YLPM1: variants seen among roughly 807,000 people sequenced by gnomAD.
YLPM1 encodes the protein YLP motif-containing protein 1.
YLPM1 carries 99 observed loss-of-function variants against 230.0 expected under a neutral mutation model. The observed-to-expected ratio is 0.43, with a 90% confidence interval of 0.37 to 0.51. The LOEUF (loss-of-function observed/expected upper bound fraction) is 0.51, where lower values mean the gene tolerates loss of function less well. YLPM1 is among the 20% of genes least tolerant of loss of function. The pLI is 0.00. For synonymous variants in YLPM1, 984 were observed against 942.5 expected (o/e 1.04, Z -0.81); for missense variants, 2,592 against 2,707.7 (o/e 0.96, Z 0.95).
intron 4 of YLPM1, among the ~76,000 whole-genome samples, chr14:74,782,798 A>G (rs2091109055): frequency 6.6e-6 from 1 of 152,106 alleles, no homozygotes; most frequent in Admixed American, 6.5e-5. Context: ...CATTCAGCAA[A>G]TATTTAAGTT....
intron 1 of YLPM1, among the ~76,000 whole-genome samples, chr14:74,769,746 T>C (rs1001661981): frequency 1.3e-5 from 2 of 150,806 alleles, no homozygotes; most frequent in Non-Finnish European, 2.9e-5. Context: ...TTAAATGAAC[T>C]CTAAAGAATA....
chr14:74,776,259 A>C (rs1033573306), intron 1 of YLPM1, among the ~76,000 whole-genome samples: 4 of 152,252 alleles, frequency 2.6e-5, no homozygotes, highest in African/African-American at 9.6e-5. Context: ...ATACTGAACC[A>C]GTGCTCCTCG....
chr14:74,790,395 T>C (rs1262675489), intron 4 of YLPM1, among the ~76,000 whole-genome samples: 5 of 152,218 alleles, frequency 3.3e-5, no homozygotes, highest in African/African-American at 1.2e-4. Context: ...AGGAATTTAA[T>C]TCCAAAATTT....
intron 11 of YLPM1, 105 bp from the exon 12 acceptor site, chr14:74,816,098 T>C: frequency 1.0e-6 from 1 of 1,002,934 alleles, no homozygotes; most frequent in Non-Finnish European, 1.5e-6. Context: ...CATGGCCTGT[T>C]GTATAGTCTA....
chr14:74,802,707 A>G lies in YLPM1; in HGVS notation c.4521+31A>G, dbSNP rs768900969. 4 of 1,572,538 alleles carry G rather than the reference A, an allele frequency of 2.5e-6. No homozygotes were observed. In the South Asian group the frequency reaches 3.6e-5, roughly 14 times the overall value. Reference sequence around the variant, plus strand: ...GGAGAATGTGTGCTCAGAAAATGAAATGGTTTCTACTTTGTATGTTTCTAT... The same window carrying G: ...GGAGAATGTGTGCTCAGAAAATGAAGTGGTTTCTACTTTGTATGTTTCTAT... On this transcript the variant is annotated intron_variant, in intron 6 of 20. Transcript: ENST00000325680.
At chr14:74,783,393 ATACTT>A (rs906375458) in intron 4 of YLPM1, among the ~76,000 whole-genome samples, 7 of 152,210 alleles carry the variant, frequency 4.6e-5, no homozygotes, top group Admixed American at 2.0e-4. Context: ...AGCCAGAAAA[ATACTT>A]TAATCAGTTT....
At chr14:74,788,909 C>G (rs1314073065) in intron 4 of YLPM1, among the ~76,000 whole-genome samples, 8 of 152,026 alleles carry the variant, frequency 5.3e-5, no homozygotes, top group Non-Finnish European at 1.2e-4. Flanking sequence ...ATTTCTTTAA[C>G]CTTTTATTTT....
intron 1 of YLPM1, among the ~76,000 whole-genome samples, 173 bp downstream of exon 1, chr14:74,764,535 G>A (rs1194594772): frequency 1.3e-5 from 2 of 152,192 alleles, no homozygotes; most frequent in African/African-American, 2.4e-5. Context: ...TTAGCTAGAT[G>A]TGAATTACCA....
intron 1 of YLPM1, among the ~76,000 whole-genome samples, chr14:74,768,661 TACTTACGG>T (rs1482284595): frequency 6.6e-6 from 1 of 152,250 alleles, no homozygotes; most frequent in African/African-American, 2.4e-5. Flanking sequence ...AATGTTTAAA[TACTTACGG>T]ACTAGCAACT....
intron 5 of YLPM1, 76 bp from the exon 6 acceptor site, chr14:74,802,480 A>G (rs1485544911): frequency 1.3e-6 from 2 of 1,483,798 alleles, no homozygotes; most frequent in Admixed American, 4.8e-5. Flanking sequence ...CCTTTTTTTA[A>G]TTAAATATTA....
In YLPM1 at chr14:74,778,464, G is replaced by A. The variant is rs1434551633; in HGVS notation, c.891G>A (p.Trp297Ter). 6.2e-7 allele frequency: 1 copy of A among 1,603,852 alleles called. No individual in the cohort carries two copies. The highest frequency in any genetic ancestry group is 1.7e-5 in the Admixed American group (1 of 58,308). ...TGTTGTAGGAACAGCAGCAGTATTG[G>A]TATCGACAGCACTTGCTTAGTTTGC... ...TMTPQEQQQY[W>*]YRQHLLSLQQ... The change falls in exon 2 of 21, where the codon TGG (tryptophan) becomes TGA (stop). Residue 297 changes from tryptophan (W) to a stop codon, truncating the protein, a stop_gained. Transcript: ENST00000325680. LOFTEE classifies it high-confidence loss of function.
At chr14:74,814,377 G>A (rs907351522) in intron 11 of YLPM1, among the ~76,000 whole-genome samples, 4 of 152,142 alleles carry the variant, frequency 2.6e-5, no homozygotes, top group Admixed American at 6.5e-5. Flanking sequence ...AAAGAAGAAT[G>A]ATATTAGCTG....
Position 74,811,621 on chromosome 14 carries a change from G to C in YLPM1, c.5230G>C (p.Ala1744Pro). Residue 1744 changes from alanine to proline, a missense_variant and splice_region_variant, in exon 10 of 21, where the codon GCT becomes CCT. Ala to Pro is a conservative substitution (Grantham distance 27). This residue lies in a region of YLPM1 where 403 missense variants were observed against 426.7 expected (regional missense o/e 0.94). Coordinates refer to ENST00000325680, the MANE Select transcript of YLPM1 (RefSeq NM_019589.3). Reference protein sequence around the residue: ...DRERRPRDDRAQSYRDKKDHS... With the variant: ...DRERRPRDDRPQSYRDKKDHS... ...AGCGCTTCCTATTACACCTTCTAGA[G>C]CTCAGTCATATCGAGACAAAAAAGA... 1.9e-6 allele frequency: 3 copies of C among 1,607,186 alleles called. No homozygotes were observed. Among genetic ancestry groups the C allele is most frequent in the South Asian group, 2.2e-5 (2 of 89,844 alleles).
chr14:74,806,405 G>A (rs527519183), intron 6 of YLPM1, among the ~76,000 whole-genome samples: 10 of 151,884 alleles, frequency 6.6e-5, no homozygotes, highest in Non-Finnish European at 1.3e-4. Flanking sequence ...GGCCAACATG[G>A]TGAACCCTCG....
At chr14:74,817,657 G>A (rs1244282009) in intron 15 of YLPM1, among the ~76,000 whole-genome samples, 1 of 152,070 alleles carries the variant, frequency 6.6e-6, no homozygotes, top group Non-Finnish European at 1.5e-5. Context: ...CAGCACTCTT[G>A]TCTGGAAGCT....
intron 4 of YLPM1, among the ~76,000 whole-genome samples, chr14:74,789,146 T>C (rs1412496724): frequency 6.6e-6 from 1 of 152,224 alleles, no homozygotes; most frequent in Admixed American, 6.5e-5. Context: ...CATATTTTAA[T>C]TACTGTAGCT....
rs1387675414 is a variant in YLPM1 at position 74,809,692 on chromosome 14, C to T, written c.4834C>T (p.Pro1612Ser). ...IPSAPVLPPP[P>S]VHSSIPPPGP... Reference sequence around the variant, plus strand: ...ATCTGCTCCAGTATTACCACCCCCACCTGTTCACTCTTCCATTCCCCCTCC... The same window carrying T: ...ATCTGCTCCAGTATTACCACCCCCATCTGTTCACTCTTCCATTCCCCCTCC... Residue 1612 changes from proline (P) to serine (S), a missense_variant, in exon 7 of 21, where the codon CCT (proline) becomes TCT (serine). Pro to Ser is a moderately conservative substitution (Grantham distance 74, BLOSUM62 -1). Transcript: ENST00000325680. 6.2e-7 allele frequency: 1 copy of T among 1,614,044 alleles called. No individual in the cohort carries two copies. The highest frequency in any genetic ancestry group is 8.5e-7 in the Non-Finnish European group (1 of 1,179,900).
rs755502810 is a variant in YLPM1, at chr14:74,798,679, G to T, written c.3382G>T (p.Ala1128Ser). 35 of 1,611,980 alleles carry T rather than the reference G, an allele frequency of 2.2e-5. No homozygotes were observed. Among genetic ancestry groups the T allele is most frequent in the Non-Finnish European group, 2.8e-5 (33 of 1,178,784 alleles). ...GSQERGPLRR[A>S]GSRERIPPRR... ...TCAGGAGAGGGGACCTCTTCGAAGG[G>T]CTGGGAGTAGAGAGAGAATACCACC... The change falls in exon 5 of 21, where the codon GCT (alanine) becomes TCT (serine). Residue 1128 changes from alanine to serine, a missense_variant. By Grantham distance (99) the Ala-to-Ser change is moderately conservative. Transcript: ENST00000325680.
In YLPM1 at chr14:74,821,146, C is replaced by T. The variant is rs185755073; in HGVS notation, c.6111+9C>T. 2 of 1,538,802 alleles carry T rather than the reference C, an allele frequency of 1.3e-6. No homozygotes were observed. The highest frequency in any genetic ancestry group is 1.4e-5 in the African/African-American group (1 of 72,320). ...AAGAGGAAAGCGAACTGGTAGGAGA[C>T]AGACCAACCACTTTGAACAGTGTCT... is the stretch of plus-strand genomic sequence containing the variant. On this transcript the variant is annotated intron_variant, in intron 17 of 20. Coordinates refer to ENST00000325680, the MANE Select transcript of YLPM1 (RefSeq NM_019589.3).
Sources: allele counts gnomAD v4.1 joint callset (sites outside exome capture counted in the v4.1 genomes callset), GRCh38; gene constraint gnomAD v4.1.1; regional missense constraint gnomAD v4.1.1; transcripts MANE v1.5; gene names NCBI Gene and HGNC (gene_info 2026-07-23, HGNC 2026-07-21).